Variants in FNTB observed in about 807,000 individuals in gnomAD.
FNTB encodes the protein farnesyltransferase, CAAX box, subunit beta.
Under a neutral mutation model 59.4 loss-of-function variants are expected in FNTB, and 27 were observed. The observed-to-expected ratio is 0.45, with a 90% confidence interval of 0.34 to 0.63. FNTB has a LOEUF of 0.63. FNTB is among the 20% of genes least tolerant of loss of function. FNTB has a pLI of 0.02. For synonymous variants in FNTB, 230 were observed against 220.7 expected (o/e 1.04, Z -0.37); for missense variants, 449 against 559.6 (o/e 0.80, Z 1.99).
Position 65,054,517 on chromosome 14 carries a change from C to T in FNTB, c.1068-58C>T. ...AGTGGTCTCTGAATTGGTGTGGCTA[C>T]ATTTGTAGATGTGTGCGGAGCAGAG... On this transcript the variant is annotated intron_variant, in intron 10 of 11. Coordinates refer to ENST00000246166, the MANE Select transcript of FNTB (RefSeq NM_002028.4). This position sits in a 1 kb window ranked among gnomAD's most constrained non-coding sequence, Gnocchi z 4.4. 6.5e-7 allele frequency: 1 copy of T among 1,535,422 alleles called. No homozygotes were observed. Among genetic ancestry groups the T allele is most frequent in the Admixed American group, 1.9e-5 (1 of 53,798 alleles).
chr14:65,043,791 C>T (rs1290199817), intron 8 of FNTB, among the ~76,000 whole-genome samples: 2 of 131,304 alleles, frequency 1.5e-5, no homozygotes, highest in African/African-American at 2.9e-5. Context: ...CACTGCAGTC[C>T]GCAGTCCGGC....
chr14:64,987,369 G>A (rs1192254222), intron 1 of FNTB: 4 of 527,296 alleles, frequency 7.6e-6, no homozygotes, highest in African/African-American at 3.8e-5. Context: ...GAGAAGAATC[G>A]TGTTCTATGC....
intron 7 of FNTB, among the ~76,000 whole-genome samples, chr14:65,034,162 T>C (rs149545901): frequency 6.6e-6 from 1 of 152,346 alleles, no homozygotes; most frequent in Non-Finnish European, 1.5e-5. Context: ...CCTGTCTCTG[T>C]GCACACGTGC....
At chr14:65,033,812 A>AC (rs2062134632) in intron 7 of FNTB, among the ~76,000 whole-genome samples, 1 of 152,152 alleles carries the variant, frequency 6.6e-6, no homozygotes, top group Non-Finnish European at 1.5e-5. Flanking sequence ...AGCCGAGATC[A>AC]CGCCACTGCA....
Position 65,032,721 on chromosome 14 carries a change from G to A in FNTB, c.692+25G>A, listed in dbSNP as rs2062110171. The stretch of plus-strand genomic sequence containing the variant: ...GGTGAGAGAAGCCAGGGTTTCTCCT[G>A]GCCTCTTGGAGAGCAGGCGGTCACG... On this transcript the variant is annotated intron_variant, in intron 7 of 11. Coordinates refer to ENST00000246166, the MANE Select transcript of FNTB (RefSeq NM_002028.4). The surrounding 1 kb of genome is among the most constrained non-coding windows in gnomAD (Gnocchi z 5.0). 6.2e-7 allele frequency: 1 copy of A among 1,608,822 alleles called. No individual in the cohort carries two copies. The highest frequency in any genetic ancestry group is 1.7e-5 in the Admixed American group (1 of 59,134).
intron 7 of FNTB, among the ~76,000 whole-genome samples, chr14:65,040,382 T>A (rs1374100804): frequency 1.3e-5 from 2 of 151,418 alleles, no homozygotes; most frequent in Non-Finnish European, 2.9e-5. Flanking sequence ...AATTATTATG[T>A]TTCTTACACA....
chr14:65,028,843 G>A lies in FNTB; in HGVS notation c.605+1062G>A, dbSNP rs540164572. Among the ~76,000 whole-genome samples the A allele has an allele frequency of 2.2e-4, 33 of 152,116 alleles. No individual in the cohort carries two copies. In the South Asian group the frequency reaches 3.9e-3, roughly 18 times the overall value. ...TTTCCCTCGTGTTCACTACATTTTC[G>A]TTCCTGTTCTGTTGCTATTCCCCCA... is the stretch of plus-strand genomic sequence containing the variant. On this transcript the variant is annotated intron_variant, in intron 6 of 11. Transcript: ENST00000246166. This position sits in a 1 kb window ranked among gnomAD's most constrained non-coding sequence, Gnocchi z 4.4.
chr14:65,051,085 C>CTT (rs2062597476), intron 9 of FNTB, among the ~76,000 whole-genome samples: 1 of 152,208 alleles, frequency 6.6e-6, no homozygotes, highest in South Asian at 2.1e-4. Flanking sequence ...TGCAGCCAGC[C>CTT]TGAGATGGGA....
chr14:65,002,237 A>C (rs1483250236), intron 1 of FNTB, among the ~76,000 whole-genome samples: 2 of 152,250 alleles, frequency 1.3e-5, no homozygotes, highest in African/African-American at 4.8e-5. Context: ...CCTCATTACT[A>C]TACCTTGTAT....
At chr14:64,989,207 G>C (rs993601861) in intron 1 of FNTB, among the ~76,000 whole-genome samples, 1 of 149,988 alleles carries the variant, frequency 6.7e-6, no homozygotes, top group Admixed American at 6.6e-5. Context: ...TTGGGAGTTC[G>C]AGGCGGGAAG....
At position 65,037,752 on chromosome 14, in the gene FNTB, ATTTATTTAT is replaced by A. The variant is rs1566562954; in HGVS notation, c.693-3035_693-3027del. ...TTATTTATTTATTTATTATTTATTT[ATTTATTTAT>A]TTATTTATTTATTTATTTATTTATT... On this transcript the variant is annotated intron_variant, in intron 7 of 11. Coordinates refer to ENST00000246166, the MANE Select transcript of FNTB (RefSeq NM_002028.4). 1.8e-3 allele frequency among the ~76,000 whole-genome samples: 186 copies of A among 103,944 alleles called. 2 individuals are homozygous for A. In the South Asian group the frequency reaches 0.021, roughly 12 times the overall value. 68.2% of individuals were successfully genotyped at this position (103,944 alleles called of 152,430 possible). A position where few individuals can be genotyped will look rare whatever the true frequency, so the allele number is the denominator to read the frequency against.
At chr14:65,038,385 A>T (rs1012030726) in intron 7 of FNTB, among the ~76,000 whole-genome samples, 1 of 148,736 alleles carries the variant, frequency 6.7e-6, no homozygotes, top group Non-Finnish European at 1.5e-5. Flanking sequence ...ACTCCAGCCC[A>T]GGTGACAGTG....
At chr14:65,005,523 T>TCTCTCTC (rs1566865156) in intron 2 of FNTB, among the ~76,000 whole-genome samples, 31 of 72,868 alleles carry the variant, frequency 4.3e-4, no homozygotes, top group African/African-American at 1.8e-3. Flanking sequence ...CTCTCTCTCT[T>TCTCTCTC]TCTCTTTCTC....
chr14:65,012,519 C>T lies in FNTB; in HGVS notation c.282+130C>T. On this transcript the variant is annotated intron_variant, in intron 3 of 11. Transcript: ENST00000246166. The surrounding 1 kb of genome is among the most constrained non-coding windows in gnomAD (Gnocchi z 5.0). Reference sequence around the variant, plus strand: ...CACTCTTTGTTCTCTGTGGCTCTGGCAGGAGGTAGGGTGCTGTCACAGAGC... The same window carrying T: ...CACTCTTTGTTCTCTGTGGCTCTGGTAGGAGGTAGGGTGCTGTCACAGAGC... 2 of 1,267,532 alleles carry T rather than the reference C, an allele frequency of 1.6e-6. No homozygotes were observed. The highest frequency in any genetic ancestry group is 1.1e-6 in the Non-Finnish European group (1 of 913,220). 78.5% of individuals were successfully genotyped at this position (1,267,532 alleles called of 1,614,324 possible).
chr14:65,059,734 T>C (rs1211073099), intron 11 of FNTB, among the ~76,000 whole-genome samples: 2 of 152,060 alleles, frequency 1.3e-5, no homozygotes, highest in African/African-American at 2.4e-5. Context: ...TGTGATGTAC[T>C]AGAATAACAT....
rs185051907 is a variant in FNTB at position 65,003,103 on chromosome 14, C to T, written c.145-1146C>T. 7.2e-5 allele frequency among the ~76,000 whole-genome samples: 11 copies of T among 152,156 alleles called. No individual in the cohort carries two copies. The East Asian group carries it at 1.7e-3, about 24-fold the overall frequency. ...CGCAATTTTTGTCAACCATGTGGGG[C>T]GGTTTTAGCATTATGGTGTGGTCTT... On this transcript the variant is annotated intron_variant, in intron 1 of 11. Coordinates refer to ENST00000246166, the MANE Select transcript of FNTB (RefSeq NM_002028.4).
In FNTB at chr14:65,032,035, G is replaced by A. The variant is rs1307522475; in HGVS notation, c.606-575G>A. 6.8e-6 allele frequency among the ~76,000 whole-genome samples: 1 copy of A among 148,076 alleles called. No homozygotes were observed. Among genetic ancestry groups the A allele is most frequent in the Non-Finnish European group, 1.5e-5 (1 of 67,534 alleles). ...GTGTGTGTGTACTGGTGAGAGGTTT[G>A]AAATCAAGGCTCTTTTCTCCCTCTA... On this transcript the variant is annotated intron_variant, in intron 6 of 11. Coordinates refer to ENST00000246166, the MANE Select transcript of FNTB (RefSeq NM_002028.4). The surrounding 1 kb of genome is among the most constrained non-coding windows in gnomAD (Gnocchi z 5.0).
chr14:65,025,901 T>A (rs997186631), intron 4 of FNTB, among the ~76,000 whole-genome samples: 4 of 152,200 alleles, frequency 2.6e-5, no homozygotes, highest in Non-Finnish European at 5.9e-5. Flanking sequence ...AAATTGTAGG[T>A]GCAAAAAGAA....
Position 65,030,144 on chromosome 14 carries a change from C to T in FNTB, c.605+2363C>T, listed in dbSNP as rs1029200104. ...GTGAGAGGCAAACTGTATTATAGGTCGCCTCCTACCTCACAAGTCACAATA... is the reference window on the plus strand; with the variant it reads ...GTGAGAGGCAAACTGTATTATAGGTTGCCTCCTACCTCACAAGTCACAATA... On this transcript the variant is annotated intron_variant, in intron 6 of 11. Transcript: ENST00000246166. This position sits in a 1 kb window ranked among gnomAD's most constrained non-coding sequence, Gnocchi z 4.5. Among the ~76,000 whole-genome samples the T allele has an allele frequency of 1.3e-5, 2 of 152,204 alleles. No homozygotes were observed. Among genetic ancestry groups the T allele is most frequent in the Non-Finnish European group, 2.9e-5 (2 of 68,038 alleles).
Sources: allele counts gnomAD v4.1 joint callset (sites outside exome capture counted in the v4.1 genomes callset), GRCh38; gene constraint gnomAD v4.1.1; non-coding constraint Gnocchi (gnomAD v3.1); transcripts MANE v1.5; gene names NCBI Gene and HGNC (gene_info 2026-07-23, HGNC 2026-07-21).